The following PRKG1 variants were observed in gnomAD, a reference collection of about 807,000 sequenced individuals.
The protein encoded by PRKG1 is protein kinase cGMP-dependent 1, also known as cGMP-dependent protein kinase 1.
Under a neutral mutation model 88.1 loss-of-function variants are expected in PRKG1, and 35 were observed. The observed-to-expected ratio is 0.40, with a 90% CI of 0.30 to 0.53. PRKG1 has a LOEUF of 0.53. Ranked by LOEUF, PRKG1 falls within the 20% of genes least tolerant of loss-of-function variation. The probability of loss-of-function intolerance (pLI) is 0.59; values close to 1 mark genes in which losing one functional copy is unlikely to be tolerated. For synonymous variants in PRKG1, 303 were observed against 292.5 expected (o/e 1.04, Z -0.37); for missense variants, 540 against 839.8 (o/e 0.64, Z 4.41).
At chr10:51,214,553 C>T (rs1286238454) in intron 2 of PRKG1, among the ~76,000 whole-genome samples, 1 of 152,012 alleles carries the variant, frequency 6.6e-6, no homozygotes, top group Admixed American at 6.6e-5. Context: ...ATGATCACTG[C>T]TCATTGAGGC....
intron 1 of PRKG1, among the ~76,000 whole-genome samples, chr10:51,025,990 C>T (rs1843198978): frequency 6.6e-6 from 1 of 151,980 alleles, no homozygotes. Flanking sequence ...TGACTGATGT[C>T]CTCATAAAAA....
At chr10:51,073,339 A>G (rs1843863674), upstream of PRKG1, among the ~76,000 whole-genome samples, 1 of 152,144 alleles carries the variant, frequency 6.6e-6, no homozygotes, top group Admixed American at 6.5e-5. Context: ...CTCTTCTTCA[A>G]AGTTTGTGTC....
At chr10:52,259,392 T>C (rs1841382189) in intron 10 of PRKG1, among the ~76,000 whole-genome samples, 1 of 152,108 alleles carries the variant, frequency 6.6e-6, no homozygotes. Flanking sequence ...AAATAGTCCC[T>C]TTGTATGTCT....
intron 4 of PRKG1, among the ~76,000 whole-genome samples, chr10:51,831,821 T>A (rs10823683): frequency 0.21 from 31,821 of 152,010 alleles, 5,354 homozygotes; most frequent in African/African-American, 0.47. Context: ...TTAGTCACCT[T>A]GTTGCAAAGG....
Position 51,162,891 on chromosome 10 carries a change from G to T in PRKG1, c.478+9561G>T, listed in dbSNP as rs1871632. Among the ~76,000 whole-genome samples, 534 of 151,846 alleles carry T rather than the reference G, an allele frequency of 3.5e-3. 2 individuals carry two copies. Among genetic ancestry groups the T allele is most frequent in the Non-Finnish European group, 6.2e-3 (420 of 67,898 alleles). On this transcript the variant is annotated intron_variant, in intron 2 of 17. Transcript: ENST00000373980. ...TGACACCATACCCATCTATTTTTTT[G>T]GATTTTTTGTAGAAATGGGCTCTCA...
At chr10:52,074,621 T>C (rs1180008066) in intron 7 of PRKG1, among the ~76,000 whole-genome samples, 1 of 152,202 alleles carries the variant, frequency 6.6e-6, no homozygotes, top group African/African-American at 2.4e-5. Flanking sequence ...GTTTTGTGTC[T>C]CTGTCATTCT....
intron 5 of PRKG1, among the ~76,000 whole-genome samples, chr10:51,955,289 C>G (rs1402533876): frequency 9.2e-5 from 14 of 152,128 alleles, no homozygotes; most frequent in Admixed American, 1.3e-4. Flanking sequence ...CAATATTTGA[C>G]AGCCCTTTAA....
intron 3 of PRKG1, among the ~76,000 whole-genome samples, chr10:51,607,332 G>A (rs1258434946): frequency 1.3e-5 from 2 of 152,180 alleles, no homozygotes; most frequent in African/African-American, 4.8e-5. Flanking sequence ...AAGCCAGATA[G>A]TTAATATTTG....
chr10:51,792,468 T>C (rs1838893576), intron 3 of PRKG1, among the ~76,000 whole-genome samples: 1 of 152,128 alleles, frequency 6.6e-6, no homozygotes, highest in African/African-American at 2.4e-5. Context: ...CAGCTTTTCA[T>C]AGTGCTGAGT....
intron 4 of PRKG1, among the ~76,000 whole-genome samples, chr10:51,845,161 C>A (rs1003661725): frequency 2.2e-4 from 34 of 152,090 alleles, no homozygotes; most frequent in Non-Finnish European, 4.6e-4. Context: ...TCAAGTCTGG[C>A]AAAGGACTGC....
intron 3 of PRKG1, among the ~76,000 whole-genome samples, chr10:51,689,254 A>ATCTG (rs1290094296): frequency 2.6e-5 from 4 of 151,760 alleles, no homozygotes; most frequent in South Asian, 2.1e-4. Context: ...CTATCTATCT[A>ATCTG]TCTATCTATC....
intron 2 of PRKG1, among the ~76,000 whole-genome samples, chr10:51,202,729 T>C (rs975572947): frequency 9.8e-5 from 15 of 152,354 alleles, no homozygotes; most frequent in African/African-American, 3.4e-4. Context: ...GTAAGATGAT[T>C]TGAGATTCGT....
At chr10:51,156,908 A>C (rs2131981448) in intron 2 of PRKG1, among the ~76,000 whole-genome samples, 1 of 152,116 alleles carries the variant, frequency 6.6e-6, no homozygotes, top group South Asian at 2.1e-4. Flanking sequence ...AATAGGCAGT[A>C]AAGGATCTTC....
intron 5 of PRKG1, among the ~76,000 whole-genome samples, chr10:52,007,547 T>A (rs1844769440): frequency 6.6e-6 from 1 of 150,410 alleles, no homozygotes; most frequent in Non-Finnish European, 1.5e-5. Context: ...TATATAATGG[T>A]AAAGGGCTGA....
chr10:52,276,848 G>A (rs1589753360), intron 12 of PRKG1, among the ~76,000 whole-genome samples: 1 of 152,132 alleles, frequency 6.6e-6, no homozygotes, highest in South Asian at 2.1e-4. Context: ...CTTTCAAGAT[G>A]TCTATTTTAA....
At chr10:51,734,523 T>C (rs1837213026) in intron 3 of PRKG1, among the ~76,000 whole-genome samples, 1 of 152,210 alleles carries the variant, frequency 6.6e-6, no homozygotes, top group South Asian at 2.1e-4. Context: ...GAGATCAGTG[T>C]AACGCTGCCC....
chr10:51,254,867 G>T (rs1839517397), intron 2 of PRKG1, among the ~76,000 whole-genome samples: 1 of 151,960 alleles, frequency 6.6e-6, no homozygotes, highest in African/African-American at 2.4e-5. Context: ...CTTTGGCCCA[G>T]ATTAATAATA....
intron 3 of PRKG1, among the ~76,000 whole-genome samples, chr10:51,773,513 T>C (rs1466151708): frequency 6.6e-6 from 1 of 152,042 alleles, no homozygotes; most frequent in Non-Finnish European, 1.5e-5. Context: ...ACCAGGCTCA[T>C]GATGATGAGC....
intron 5 of PRKG1, among the ~76,000 whole-genome samples, chr10:51,937,235 G>A (rs1038591715): frequency 9.2e-5 from 14 of 152,076 alleles, no homozygotes; most frequent in Middle Eastern, 3.4e-3. Flanking sequence ...AGCAGGGACT[G>A]TTGTATATTT....
Sources: gnomAD v4.1 joint callset for allele counts (sites outside exome capture counted in the v4.1 genomes callset) on GRCh38, gnomAD v4.1.1 for gene constraint, MANE v1.5 for transcripts, NCBI Gene and HGNC (gene_info 2026-07-23, HGNC 2026-07-21) for gene names.